Variants in SPATA16 observed in about 807,000 individuals in gnomAD.
SPATA16 encodes the protein spermatogenesis-associated protein 16.
In SPATA16, 36 loss-of-function variants were observed where a neutral mutation model predicts 63.3. That is an observed-to-expected ratio of 0.57 (90% CI 0.44 to 0.75). The LOEUF (loss-of-function observed/expected upper bound fraction) is 0.75. SPATA16 is among the 30% of genes least tolerant of loss of function. The pLI is 0.00. For missense variants in SPATA16, 646 were observed against 679.3 expected, an observed-to-expected ratio of 0.95 and a Z score of 0.54; for synonymous variants, 203 against 216.7, an observed-to-expected ratio of 0.94 and a Z score of 0.56.
At chr3:173,000,561 A>G (rs1577125800) in intron 4 of SPATA16, among the ~76,000 whole-genome samples, 1 of 151,960 alleles carries the variant, frequency 6.6e-6, no homozygotes, top group African/African-American at 2.4e-5. Context: ...AACTTCCTGG[A>G]TCTGTAGTTT....
intron 3 of SPATA16, among the ~76,000 whole-genome samples, chr3:173,019,925 AAGC>A (rs1330288138): frequency 1.3e-5 from 2 of 152,016 alleles, no homozygotes; most frequent in Non-Finnish European, 2.9e-5. Context: ...ATCAGGGAAA[AAGC>A]AGGTTATTTA....
At position 173,088,012 on chromosome 3, in the gene SPATA16, T is replaced by TTCTC. The variant is rs1470069162; in HGVS notation, c.612+29107_612+29108insGAGA. Among the ~76,000 whole-genome samples, 136 of 45,588 alleles carry TTCTC rather than the reference T, an allele frequency of 3.0e-3. 1 individual carries two copies. Among genetic ancestry groups the TTCTC allele is most frequent in the African/African-American group, 9.9e-3 (131 of 13,204 alleles). 29.9% of individuals were successfully genotyped at this position (45,588 alleles called of 152,430 possible). A position where few individuals can be genotyped will look rare whatever the true frequency, so the allele number is the denominator to read the frequency against. On this transcript the variant is annotated intron_variant, in intron 2 of 10. Transcript: ENST00000351008. ...GATGATTAGCATTTTCTTTCCGTCT[T>TTCTC]TCTTTCTTTCTTTCTTTCTTTCTTT...
chr3:173,130,811 C>A (rs532345436), intron 1 of SPATA16, among the ~76,000 whole-genome samples: 2 of 152,142 alleles, frequency 1.3e-5, no homozygotes, highest in South Asian at 2.1e-4. Context: ...ATATACTTAT[C>A]CTTGGTAAAA....
intron 1 of SPATA16, among the ~76,000 whole-genome samples, chr3:173,118,892 AATAAG>A (rs1398084098): frequency 6.6e-6 from 1 of 152,236 alleles, no homozygotes; most frequent in Non-Finnish European, 1.5e-5. Context: ...GGCTGCATAT[AATAAG>A]ATAACAATGA....
intron 9 of SPATA16, 80 bp downstream of exon 9, chr3:172,916,237 T>A: frequency 6.3e-6 from 6 of 956,750 alleles, no homozygotes; most frequent in Non-Finnish European, 9.3e-6. Flanking sequence ...CAGGATTTTT[T>A]TTTTTTTTTT....
At position 172,892,925 on chromosome 3, in the gene SPATA16, C is replaced by A. The variant is rs1731923924; in HGVS notation, c.1588-3233G>T. On this transcript the variant is annotated intron_variant, in intron 10 of 10. Transcript: ENST00000351008. The stretch of plus-strand genomic sequence containing the variant: ...TATATATGCGCCAATGCAGACTTGA[C>A]ATTACAGTGATATGGACATTAGACC... Among the ~76,000 whole-genome samples the A allele has an allele frequency of 2.6e-5, 4 of 152,138 alleles. No individual in the cohort carries two copies. The South Asian group carries it at 8.3e-4, about 32-fold the overall frequency.
intron 3 of SPATA16, among the ~76,000 whole-genome samples, chr3:173,024,085 G>A (rs962740824): frequency 2.0e-5 from 3 of 151,270 alleles, no homozygotes; most frequent in African/African-American, 7.3e-5. Flanking sequence ...AACACTACAT[G>A]TATGCACAAT....
At chr3:172,944,980 T>G (rs555219932) in intron 6 of SPATA16, among the ~76,000 whole-genome samples, 1 of 152,188 alleles carries the variant, frequency 6.6e-6, no homozygotes, top group Non-Finnish European at 1.5e-5. Flanking sequence ...AAATGGTACA[T>G]TTTACATTGT....
intron 4 of SPATA16, among the ~76,000 whole-genome samples, chr3:173,008,928 G>A (rs180988638): frequency 2.0e-5 from 3 of 152,266 alleles, no homozygotes; most frequent in Admixed American, 2.0e-4. Context: ...ATAGGAAAAT[G>A]TACTATATCA....
chr3:172,995,801 A>T (rs185982253), intron 4 of SPATA16, among the ~76,000 whole-genome samples: 5 of 152,242 alleles, frequency 3.3e-5, no homozygotes, highest in Admixed American at 6.5e-5. Flanking sequence ...GAAAAGTTAC[A>T]AAACAGTACA....
intron 2 of SPATA16, among the ~76,000 whole-genome samples, chr3:173,067,719 C>G (rs1736557038): frequency 6.8e-6 from 1 of 146,534 alleles, no homozygotes. Flanking sequence ...AATAACAGAA[C>G]TTTCCAAACT....
At chr3:172,952,681 C>T (rs1402213295) in intron 6 of SPATA16, among the ~76,000 whole-genome samples, 1 of 152,076 alleles carries the variant, frequency 6.6e-6, no homozygotes. Context: ...GTGGCTCACG[C>T]CTGTAATCCC....
chr3:173,040,514 C>T (rs2108289198), intron 3 of SPATA16, among the ~76,000 whole-genome samples: 1 of 152,230 alleles, frequency 6.6e-6, no homozygotes, highest in South Asian at 2.1e-4. Context: ...TCACAAATCA[C>T]ACATGAGGAA....
chr3:172,984,303 C>A (rs1287814841), intron 4 of SPATA16, among the ~76,000 whole-genome samples: 1 of 152,094 alleles, frequency 6.6e-6, no homozygotes, highest in African/African-American at 2.4e-5. Flanking sequence ...CATTACAGTG[C>A]CTCCTACAAC....
At chr3:172,968,341 CA>C (rs1223967001) in intron 5 of SPATA16, among the ~76,000 whole-genome samples, 2 of 151,962 alleles carry the variant, frequency 1.3e-5, no homozygotes, top group Non-Finnish European at 2.9e-5. Flanking sequence ...GCTTCAAAGG[CA>C]AAAAACCTCC....
Position 173,085,870 on chromosome 3 carries a change from T to C in SPATA16, c.612+31250A>G, listed in dbSNP as rs4413338. ...TTGCATCCCAGGGATAATGCCAACT[T>C]GATCGTGGTAAATAAGCTTTTTGAT... On this transcript the variant is annotated intron_variant, in intron 2 of 10. Transcript: ENST00000351008. Among the ~76,000 whole-genome samples, 332 of 152,348 alleles carry C rather than the reference T, an allele frequency of 2.2e-3. 4 individuals carry two copies. The highest frequency in any genetic ancestry group is 6.4e-3 in the East Asian group (33 of 5,192).
At position 172,992,412 on chromosome 3, in the gene SPATA16, T is replaced by G. The variant is rs1336602689; in HGVS notation, c.849-15360A>C. 2.6e-5 allele frequency among the ~76,000 whole-genome samples: 4 copies of G among 151,970 alleles called. No homozygotes were observed. The South Asian group carries it at 8.3e-4, about 32-fold the overall frequency. On this transcript the variant is annotated intron_variant, in intron 4 of 10. Coordinates refer to ENST00000351008, the MANE Select transcript of SPATA16 (RefSeq NM_031955.6). ...GAGTGAAGAAAGAAACCATACCAGTTCACAGAGGAGTAGACAGTGCAACAA... is the reference window on the plus strand; with the variant it reads ...GAGTGAAGAAAGAAACCATACCAGTGCACAGAGGAGTAGACAGTGCAACAA...
chr3:173,054,560 C>T (rs1346354174), intron 2 of SPATA16, among the ~76,000 whole-genome samples: 1 of 152,068 alleles, frequency 6.6e-6, no homozygotes, highest in Non-Finnish European at 1.5e-5. Context: ...CACCTATTCT[C>T]ACTCATAAAT....
At chr3:172,978,078 A>G (rs1411943717) in intron 4 of SPATA16, among the ~76,000 whole-genome samples, 2 of 152,012 alleles carry the variant, frequency 1.3e-5, no homozygotes, top group Non-Finnish European at 2.9e-5. Context: ...ACTCTAAAAA[A>G]TCAATGGTGG....
Sources: allele counts gnomAD v4.1 joint callset (sites outside exome capture counted in the v4.1 genomes callset), GRCh38; gene constraint gnomAD v4.1.1; transcripts MANE v1.5; gene names NCBI Gene and HGNC (gene_info 2026-07-23, HGNC 2026-07-21).